Variants in ASXL1 observed in about 807,000 individuals in gnomAD.
ASXL1 encodes ASXL transcriptional regulator 1.
ASXL1 carries 65 observed loss-of-function variants against 89.1 expected under a neutral mutation model. The observed-to-expected ratio is 0.73, with a 90% CI of 0.60 to 0.90. ASXL1 has a LOEUF of 0.90. Ranked by LOEUF, ASXL1 falls within the 40% of genes least tolerant of loss-of-function variation. The pLI is 0.00. For synonymous variants in ASXL1, 739 were observed against 746.9 expected, an observed-to-expected ratio of 0.99 and a Z score of 0.17; for missense variants, 1,786 against 1,942.9, an observed-to-expected ratio of 0.92 and a Z score of 1.52.
chr20:32,380,974 TCTC>T (rs77971420), intron 4 of ASXL1, among the ~76,000 whole-genome samples: 9,317 of 152,192 alleles, frequency 0.061, 700 homozygotes, highest in African/African-American at 0.17. Context: ...CTCGAATGGT[TCTC>T]CTAGCACATT....
intron 4 of ASXL1, among the ~76,000 whole-genome samples, chr20:32,375,347 G>A (rs911053452): frequency 2.6e-5 from 4 of 151,776 alleles, no homozygotes; most frequent in African/African-American, 9.7e-5. Context: ...TACTCGGGAG[G>A]CTGAGGCTGG....
rs775560334 is a variant in ASXL1 at position 32,433,590 on chromosome 20, C to T, written c.1392C>T (p.Pro464=). 1 of 1,614,134 alleles carries T rather than the reference C, an allele frequency of 6.2e-7. No homozygotes were observed. Among genetic ancestry groups the T allele is most frequent in the South Asian group, 1.1e-5 (1 of 91,082 alleles). Residue 464 remains proline (P), a synonymous_variant, in exon 12 of 13, where the codon CCC becomes CCT. Coordinates refer to ENST00000375687, the MANE Select transcript of ASXL1 (RefSeq NM_015338.6). ...CTGACCCAGCAGGGCTGAGCAGTCCCCATCTGCCAGGCACATCCTCTGCAG... is the reference window on the plus strand; with the variant it reads ...CTGACCCAGCAGGGCTGAGCAGTCCTCATCTGCCAGGCACATCCTCTGCAG... ...AKTDPAGLSS[P]HLPGTSSAAP...
At chr20:32,364,379 C>T (rs547473740) in intron 1 of ASXL1, among the ~76,000 whole-genome samples, 1 of 149,364 alleles carries the variant, frequency 6.7e-6, no homozygotes, top group East Asian at 2.0e-4. Flanking sequence ...CCATGCCCAT[C>T]TAGTTTTTTG....
Position 32,431,193 on chromosome 20 carries a change from C to A in ASXL1, c.719-128C>A, listed in dbSNP as rs757866007. Reference sequence around the variant, plus strand: ...AATATACAGGTTAGGATGGACTGGACAATTGAGCAGATTGTGTGCAGATAA... The same window carrying A: ...AATATACAGGTTAGGATGGACTGGAAAATTGAGCAGATTGTGTGCAGATAA... On this transcript the variant is annotated intron_variant, in intron 8 of 12. Coordinates refer to ENST00000375687, the MANE Select transcript of ASXL1 (RefSeq NM_015338.6). 6 of 1,121,350 alleles carry A rather than the reference C, an allele frequency of 5.4e-6. No individual in the cohort carries two copies. In the East Asian group the frequency reaches 1.5e-4, roughly 28 times the overall value. The allele number at this position is 1,121,350 out of a possible 1,614,324, so 69.5% of individuals were successfully genotyped here.
At chr20:32,404,872 TTCTGC>T (rs2048929825) in intron 4 of ASXL1, among the ~76,000 whole-genome samples, 1 of 152,230 alleles carries the variant, frequency 6.6e-6, no homozygotes, top group Non-Finnish European at 1.5e-5. Flanking sequence ...TTGTCAAAGT[TTCTGC>T]ATTGATATAA....
rs2048542846 is a variant in ASXL1, at chr20:32,384,394, G to T, written c.252+15271G>T. 2.0e-5 allele frequency among the ~76,000 whole-genome samples: 3 copies of T among 152,016 alleles called. No homozygotes were observed. In the South Asian group the frequency reaches 6.2e-4, roughly 32 times the overall value. On this transcript the variant is annotated intron_variant, in intron 4 of 12. Transcript: ENST00000375687. ...ATTCTGTATTTTTAATAGAGATGGG[G>T]TTTCACCCCCAGGCTGGTCTTAAAC...
intron 1 of ASXL1, among the ~76,000 whole-genome samples, chr20:32,363,983 G>A (rs906803376): frequency 3.3e-5 from 5 of 152,198 alleles, no homozygotes; most frequent in Non-Finnish European, 5.9e-5. Context: ...AGACATTGTA[G>A]GCATTACTTA....
In ASXL1 at chr20:32,377,211, C is replaced by T. The variant is rs1020694419; in HGVS notation, c.252+8088C>T. ...AGATATATCTATGTATATTATATCA[C>T]CTGACGTCAGGTGATCCACCCACCT... On this transcript the variant is annotated intron_variant, in intron 4 of 12. Transcript: ENST00000375687. Among the ~76,000 whole-genome samples the T allele has an allele frequency of 9.0e-5, 13 of 144,208 alleles. No individual in the cohort carries two copies. In the South Asian group the frequency reaches 2.8e-3, roughly 31 times the overall value. The allele number at this position is 144,208 out of a possible 152,430, so 94.6% of individuals were successfully genotyped here. A position where few individuals can be genotyped will look rare whatever the true frequency, so the allele number is the denominator to read the frequency against.
chr20:32,399,958 C>T (rs1032138484), intron 4 of ASXL1, among the ~76,000 whole-genome samples: 4 of 151,762 alleles, frequency 2.6e-5, no homozygotes, highest in African/African-American at 7.3e-5. Context: ...GACGGGGTTT[C>T]GCCATGTTGG....
In ASXL1 at chr20:32,433,852, A is replaced by G. The variant is rs143952412; in HGVS notation, c.1654A>G (p.Ile552Val). Residue 552 changes from isoleucine to valine, a missense_variant, in exon 12 of 13, where the codon ATT (isoleucine) becomes GTT (valine). Physicochemically the swap from Ile to Val is conservative, Grantham distance 29. Around this residue, in one of 3 missense-constraint regions of ASXL1, gnomAD observed 1,418 missense variants for 1,427.8 expected, o/e 0.99. Transcript: ENST00000375687. ...AGATCGTCAGTCCTTTCGTAACACA[A>G]TTGAAAGTGTTCACACCGAAAAGCC... ...LEDRQSFRNT[I>V]ESVHTEKPQP... The G allele has an allele frequency of 1.1e-4, 183 of 1,613,876 alleles. 2 individuals carry two copies. Among genetic ancestry groups the G allele is most frequent in the Middle Eastern group, 1.6e-4 (1 of 6,074 alleles).
At chr20:32,427,541 A>G (rs1027656175) in intron 4 of ASXL1, 2 of 169,310 alleles carry the variant, frequency 1.2e-5, no homozygotes, top group Non-Finnish European at 2.6e-5. Flanking sequence ...CTGAGTTTGG[A>G]ATATTCTTTC....
chr20:32,391,150 A>G (rs1002092987), intron 4 of ASXL1, among the ~76,000 whole-genome samples: 1 of 152,078 alleles, frequency 6.6e-6, no homozygotes, highest in Admixed American at 6.6e-5. Context: ...TATGCCTCTC[A>G]AAGTGCTGGG....
rs2145359935 is a variant in ASXL1, at chr20:32,434,686, A to G, written c.1974A>G (p.Gly658=). 2 of 1,604,088 alleles carry G rather than the reference A, an allele frequency of 1.2e-6. No homozygotes were observed. The highest frequency in any genetic ancestry group is 1.7e-5 in the Admixed American group (1 of 58,774). ...GTGGCGGCGGGGCCACCGATGAGGG[A>G]GGTGGCAGAGGCAGCAGCAGTGGTG... ...GGGGGGATDE[G]GGRGSSSGDG... is the part of the protein sequence containing the mutation. The change falls in exon 13 of 13, where the codon GGA becomes GGG. Residue 658 remains glycine (G), a synonymous_variant. Transcript: ENST00000375687.
chr20:32,409,746 T>C (rs1471138280), intron 4 of ASXL1, among the ~76,000 whole-genome samples: 1 of 152,054 alleles, frequency 6.6e-6, no homozygotes, highest in African/African-American at 2.4e-5. Flanking sequence ...GTGAGATCCC[T>C]ATCTTTAAAA....
At chr20:32,414,093 T>G (rs2123122501) in intron 4 of ASXL1, among the ~76,000 whole-genome samples, 1 of 152,318 alleles carries the variant, frequency 6.6e-6, no homozygotes, top group African/African-American at 2.4e-5. Flanking sequence ...CCGGAAGATT[T>G]TAGGATCTGT....
intron 2 of ASXL1, among the ~76,000 whole-genome samples, chr20:32,367,298 T>G (rs1013035561): frequency 6.6e-6 from 1 of 152,132 alleles, no homozygotes; most frequent in African/African-American, 2.4e-5. Flanking sequence ...GAGAATCGCT[T>G]GAACTCAGGA....
At chr20:32,379,187 TTTTTTTTTTTTTTTTG>T (rs2048443580) in intron 4 of ASXL1, among the ~76,000 whole-genome samples, 1 of 45,722 alleles carries the variant, frequency 2.2e-5, no homozygotes, top group Non-Finnish European at 4.4e-5. Context: ...TTTTTTTTTT[TTTTTTTTTTTTTTTTG>T]AGACAGAGTC....
At chr20:32,409,707 G>T (rs191960563) in intron 4 of ASXL1, among the ~76,000 whole-genome samples, 2 of 151,946 alleles carry the variant, frequency 1.3e-5, no homozygotes, top group Admixed American at 1.3e-4. Flanking sequence ...CCTGTGAATA[G>T]CCACTGTACT....
intron 4 of ASXL1, among the ~76,000 whole-genome samples, chr20:32,410,412 A>AG (rs2049023309): frequency 6.6e-6 from 1 of 151,802 alleles, no homozygotes; most frequent in Non-Finnish European, 1.5e-5. Context: ...AAGTGTTGGG[A>AG]CTACAGGTGT....
Sources: gnomAD v4.1 joint callset for allele counts (sites outside exome capture counted in the v4.1 genomes callset) on GRCh38, gnomAD v4.1.1 for gene constraint, gnomAD v4.1.1 regional missense constraint, MANE v1.5 for transcripts, NCBI Gene and HGNC (gene_info 2026-07-23, HGNC 2026-07-21) for gene names.